The following LANCL3 variants were observed in gnomAD, a reference collection of about 807,000 sequenced individuals.
The protein encoded by LANCL3 is lanC-like protein 3.
A neutral mutation model predicts 26.5 loss-of-function variants in LANCL3; 19 were observed. That is an observed-to-expected ratio of 0.72 (90% CI 0.50 to 1.05). The LOEUF is 1.05. LANCL3 is among the 50% of genes least tolerant of loss of function. The pLI is 0.00. For missense variants in LANCL3, 318 were observed against 362.7 expected (o/e 0.88, Z 1.00); for synonymous variants, 160 against 166.6 (o/e 0.96, Z 0.30).
intron 1 of LANCL3, among the ~76,000 whole-genome samples, chrX:37,596,509 C>T (rs782685061): frequency 5.4e-5 from 6 of 112,103 alleles, no homozygotes; most frequent in Admixed American, 9.4e-5. Context: ...TACTGTGTAG[C>T]GTTTTTTAAA....
rs1926810762 is a variant in LANCL3, at chrX:37,676,431, G to A, written c.*618G>A. 1 of 111,590 alleles carries A rather than the reference G, an allele frequency of 9.0e-6. No homozygotes were observed. Among genetic ancestry groups the A allele is most frequent in the African/African-American group, 3.3e-5 (1 of 30,736 alleles). 9.2% of individuals were successfully genotyped at this position (111,590 alleles called of 1,213,427 possible). A position where few individuals can be genotyped will look rare whatever the true frequency, so the allele number is the denominator to read the frequency against. ...AGAAATCATATCATAGCGTAGTTCA[G>A]ATACTAAAATTTGAAGTTTCCTTAG... On this transcript the variant is annotated 3_prime_UTR_variant, in exon 5 of 5. Coordinates refer to ENST00000378619, the MANE Select transcript of LANCL3 (RefSeq NM_001170331.2).
intron 1 of LANCL3, among the ~76,000 whole-genome samples, chrX:37,651,814 A>G (rs1926153656): frequency 9.3e-6 from 1 of 107,515 alleles, no homozygotes; most frequent in Non-Finnish European, 1.9e-5. Context: ...AGGTGTTCTC[A>G]TTGTTCAATT....
Position 37,621,799 on chromosome X carries a change from G to C in LANCL3, c.574-33889G>C, listed in dbSNP as rs1385652744. Among the ~76,000 whole-genome samples the C allele has an allele frequency of 6.3e-5, 7 of 111,830 alleles. No homozygotes were observed. The Admixed American group carries it at 6.6e-4, about 11-fold the overall frequency. ...GTGAAGGAACTTGGAAGCTTGAAAT[G>C]GAATAAGCTGCATTGGAGCCAGTTG... On this transcript the variant is annotated intron_variant, in intron 1 of 4. Coordinates refer to ENST00000378619, the MANE Select transcript of LANCL3 (RefSeq NM_001170331.2).
intron 1 of LANCL3, among the ~76,000 whole-genome samples, chrX:37,600,181 A>G (rs936117838): frequency 8.9e-6 from 1 of 112,057 alleles, no homozygotes; most frequent in Non-Finnish European, 1.9e-5. Context: ...TGAGAGAGAG[A>G]GGGAGACCAC....
At chrX:37,574,054 C>CAAAAAAAAAAAAAAAAAA (rs34987799) in intron 1 of LANCL3, among the ~76,000 whole-genome samples, 8 of 33,418 alleles carry the variant, frequency 2.4e-4, no homozygotes, top group African/African-American at 6.5e-4. Context: ...TCAAGGATAG[C>CAAAAAAAAAAAAAAAAAA]AAAAAAAAAA....
intron 1 of LANCL3, among the ~76,000 whole-genome samples, chrX:37,584,959 C>G (rs1556417617): frequency 8.9e-6 from 1 of 111,879 alleles, no homozygotes; most frequent in Non-Finnish European, 1.9e-5. Flanking sequence ...CCTCTACACA[C>G]TGCTTTAAAT....
In LANCL3 at chrX:37,667,480, G is replaced by A. The variant is rs1556434446; in HGVS notation, c.1094G>A (p.Arg365Gln). 4.4e-6 allele frequency: 5 copies of A among 1,142,624 alleles called. No individual in the cohort carries two copies. The highest frequency in any genetic ancestry group is 5.8e-6 in the Non-Finnish European group (5 of 865,701). The allele number at this position is 1,142,624 out of a possible 1,213,427, so 94.2% of individuals were successfully genotyped here. Reference sequence around the variant, plus strand: ...ACGGGAAACTCTAAATACATCTACCGAGCTCAAAGGTCAGCTGTTCTTTAT... The same window carrying A: ...ACGGGAAACTCTAAATACATCTACCAAGCTCAAAGGTCAGCTGTTCTTTAT... ...RLTGNSKYIY[R>Q]AQRFAQFLFT... The change falls in exon 4 of 5, where the codon CGA becomes CAA. Residue 365 changes from arginine to glutamine, a missense_variant. Coordinates refer to ENST00000378619, the MANE Select transcript of LANCL3 (RefSeq NM_001170331.2).
chrX:37,628,914 G>A (rs1339522676), intron 1 of LANCL3, among the ~76,000 whole-genome samples: 1 of 110,740 alleles, frequency 9.0e-6, no homozygotes, highest in Non-Finnish European at 1.9e-5. Flanking sequence ...ACATACGTGT[G>A]CATGTGTCGT....
chrX:37,670,657 C>A (rs1556435823), intron 4 of LANCL3, among the ~76,000 whole-genome samples: 2 of 110,718 alleles, frequency 1.8e-5, no homozygotes, highest in Admixed American at 9.6e-5. Flanking sequence ...CATATTCCAC[C>A]TATCATTCTC....
intron 1 of LANCL3, among the ~76,000 whole-genome samples, chrX:37,590,112 T>A (rs1924228858): frequency 8.9e-6 from 1 of 112,810 alleles, no homozygotes; most frequent in Non-Finnish European, 1.9e-5. Flanking sequence ...GAAGATACTG[T>A]AAATTGCCAT....
In LANCL3 at chrX:37,589,098, A is replaced by G. The variant is rs141835282; in HGVS notation, c.573+16655A>G. Among the ~76,000 whole-genome samples, 899 of 112,242 alleles carry G rather than the reference A, an allele frequency of 8.0e-3. 5 individuals carry two copies. Among genetic ancestry groups the G allele is most frequent in the African/African-American group, 0.027 (845 of 30,900 alleles). On this transcript the variant is annotated intron_variant, in intron 1 of 4. Transcript: ENST00000378619. ...AAAGAGATCCAGTGTCTAACCAGAAACAATATATTGTCCTTATGCATATAT... is the reference window on the plus strand; with the variant it reads ...AAAGAGATCCAGTGTCTAACCAGAAGCAATATATTGTCCTTATGCATATAT...
chrX:37,635,274 G>A (rs1226602825), intron 1 of LANCL3, among the ~76,000 whole-genome samples: 1 of 112,133 alleles, frequency 8.9e-6, no homozygotes, highest in African/African-American at 3.2e-5. Flanking sequence ...AGACATTTAA[G>A]ATTCCTTTTC....
chrX:37,591,732 G>A lies in LANCL3; in HGVS notation c.573+19289G>A, dbSNP rs1278693933. 1.5e-4 allele frequency among the ~76,000 whole-genome samples: 7 copies of A among 46,712 alleles called. No homozygotes were observed. The African/African-American group carries it at 2.5e-3, about 16-fold the overall frequency. 40.6% of individuals were successfully genotyped at this position (46,712 alleles called of 115,157 possible). On this transcript the variant is annotated intron_variant, in intron 1 of 4. Transcript: ENST00000378619. ...CAGTAATGAGCTCCAGCTGGTGGTG[G>A]GGGGGGTATGTACATTTTCAGGTAC... is the stretch of plus-strand genomic sequence containing the variant.
At chrX:37,668,514 C>G in intron 4 of LANCL3, 1 of 273,921 alleles carries the variant, frequency 3.7e-6, no homozygotes, top group Non-Finnish European at 7.0e-6. Flanking sequence ...ATAGAAAGCA[C>G]AAGTAGGGGC....
chrX:37,621,662 T>C (rs1190810499), intron 1 of LANCL3, among the ~76,000 whole-genome samples: 6 of 112,789 alleles, frequency 5.3e-5, no homozygotes, highest in Admixed American at 4.7e-4. Flanking sequence ...TAAAAGATAA[T>C]TTTGGACTAT....
intron 1 of LANCL3, among the ~76,000 whole-genome samples, chrX:37,629,191 A>G (rs377678021): frequency 1.9e-4 from 21 of 109,339 alleles, no homozygotes; most frequent in African/African-American, 7.0e-4. Context: ...CATTTCTCTG[A>G]TGGCCAGTGA....
intron 1 of LANCL3, among the ~76,000 whole-genome samples, chrX:37,587,477 C>A (rs1924132704): frequency 8.9e-6 from 1 of 112,890 alleles, no homozygotes; most frequent in Non-Finnish European, 1.9e-5. Context: ...TTGTTTACCT[C>A]CTCAAGCCTT....
At chrX:37,662,479 G>C (rs1556432740) in intron 3 of LANCL3, among the ~76,000 whole-genome samples, 1 of 111,623 alleles carries the variant, frequency 9.0e-6, no homozygotes, top group Non-Finnish European at 1.9e-5. Context: ...TTGCAGTGCA[G>C]ATATCGTTGG....
At chrX:37,594,675 A>G (rs782602748) in intron 1 of LANCL3, among the ~76,000 whole-genome samples, 4 of 112,251 alleles carry the variant, frequency 3.6e-5, no homozygotes, top group African/African-American at 1.3e-4. Flanking sequence ...ATACCAATAA[A>G]TGTTGACTGA....
Sources: gnomAD v4.1 joint callset for allele counts (sites outside exome capture counted in the v4.1 genomes callset) on GRCh38, gnomAD v4.1.1 for gene constraint, MANE v1.5 for transcripts, NCBI Gene and HGNC (gene_info 2026-07-23, HGNC 2026-07-21) for gene names.